Variants in ZNF292 observed in about 807,000 individuals in gnomAD.
ZNF292 encodes 16 zinc-finger domain protein.
In ZNF292, 26 loss-of-function variants were observed where a neutral mutation model predicts 217.9. The observed-to-expected ratio is 0.12, with a 90% confidence interval of 0.09 to 0.17. ZNF292 has a LOEUF of 0.17. ZNF292 is among the 10% of genes least tolerant of loss of function. The pLI is 1.00. For synonymous variants in ZNF292, 1,257 were observed against 1,124.1 expected, an observed-to-expected ratio of 1.12 and a Z score of -2.37; for missense variants, 2,904 against 3,175.2, an observed-to-expected ratio of 0.91 and a Z score of 2.05.
chr6:87,200,161 C>CA (rs1386150249), intron 1 of ZNF292, among the ~76,000 whole-genome samples: 1 of 152,150 alleles, frequency 6.6e-6, no homozygotes, highest in Non-Finnish European at 1.5e-5. Context: ...TTGGACCTCC[C>CA]ACATGATATT....
chr6:87,260,105 A>G lies in ZNF292; in HGVS notation c.6476A>G (p.Glu2159Gly), dbSNP rs1363963847. The change falls in exon 8 of 8, where the codon GAA (glutamate) becomes GGA (glycine). Residue 2159 changes from glutamate to glycine, a missense_variant. Glu to Gly is a moderately conservative substitution (Grantham distance 98). This residue lies in a region of ZNF292 where 261 missense variants were observed against 272.8 expected (regional missense o/e 0.96). Coordinates refer to ENST00000369577, the MANE Select transcript of ZNF292 (RefSeq NM_015021.3). ...GAAGAGGAAAGTGAAGCTGGTAAAG[A>G]AAGTGAAGAAACTGAAACTAAACAA... Reference protein sequence around the residue: ...EVEEESEAGKESEETETKQTL... With the variant: ...EVEEESEAGKGSEETETKQTL... 6.2e-7 allele frequency: 1 copy of G among 1,613,434 alleles called. No homozygotes were observed. The highest frequency in any genetic ancestry group is 8.5e-7 in the Non-Finnish European group (1 of 1,179,642).
intron 1 of ZNF292, among the ~76,000 whole-genome samples, chr6:87,202,619 T>C (rs1469421297): frequency 1.3e-5 from 2 of 152,206 alleles, no homozygotes; most frequent in Admixed American, 1.3e-4. Flanking sequence ...AGAATGTAGT[T>C]TGCTATGGGT....
chr6:87,195,711 C>G (rs996836621), intron 1 of ZNF292, among the ~76,000 whole-genome samples: 2 of 152,002 alleles, frequency 1.3e-5, no homozygotes, highest in Non-Finnish European at 2.9e-5. Flanking sequence ...TTAAAATTAT[C>G]TAAAAATTTG....
At chr6:87,236,491 G>A (rs915119053) in intron 5 of ZNF292, among the ~76,000 whole-genome samples, 1 of 152,022 alleles carries the variant, frequency 6.6e-6, no homozygotes, top group African/African-American at 2.4e-5. Context: ...GGCCTTTCTG[G>A]AAGGAATGAA....
Position 87,261,099 on chromosome 6 carries a change from A to G in ZNF292, c.7470A>G (p.Thr2490=), listed in dbSNP as rs781286322. 1 of 1,611,002 alleles carries G rather than the reference A, an allele frequency of 6.2e-7. No individual in the cohort carries two copies. Among genetic ancestry groups the G allele is most frequent in the East Asian group, 2.2e-5 (1 of 44,826 alleles). ...ATGAACTAACAGAATTGTTTATTACAAAATTAATAAATGAAGATAGCACAA... is the reference window on the plus strand; with the variant it reads ...ATGAACTAACAGAATTGTTTATTACGAAATTAATAAATGAAGATAGCACAA... ...EMDELTELFI[T]KLINEDSTSV... is the part of the protein sequence containing the mutation. Residue 2490 remains threonine (T), a synonymous_variant, in exon 8 of 8, where the codon ACA becomes ACG. Transcript: ENST00000369577.
chr6:87,262,557 A>C lies in ZNF292; in HGVS notation c.*756A>C, dbSNP rs1173972823. Reference sequence around the variant, plus strand: ...AATTGGATATAGTTACTATGAGTCCATGAAATACAATGGAAATGTGAATAA... The same window carrying C: ...AATTGGATATAGTTACTATGAGTCCCTGAAATACAATGGAAATGTGAATAA... On this transcript the variant is annotated 3_prime_UTR_variant, in exon 8 of 8. Coordinates refer to ENST00000369577, the MANE Select transcript of ZNF292 (RefSeq NM_015021.3). The C allele has an allele frequency of 1.3e-5, 2 of 151,696 alleles. No individual in the cohort carries two copies. The highest frequency in any genetic ancestry group is 2.4e-5 in the African/African-American group (1 of 41,350). The allele number at this position is 151,696 out of a possible 1,614,324, so 9.4% of individuals were successfully genotyped here.
rs764198497 is a variant in ZNF292, at chr6:87,259,640, A to T, written c.6011A>T (p.Gln2004Leu). Residue 2004 changes from glutamine (Q) to leucine (L), a missense_variant, in exon 8 of 8, where the codon CAA (glutamine) becomes CTA (leucine). Transcript: ENST00000369577. ...SENVPASRST[Q>L]VKKQLAMTEE... ...AATGTGCCGGCCTCACGAAGTACACAAGTGAAAAAACAGCTAGCTATGACA... is the reference window on the plus strand; with the variant it reads ...AATGTGCCGGCCTCACGAAGTACACTAGTGAAAAAACAGCTAGCTATGACA... 3.8e-6 allele frequency: 6 copies of T among 1,586,096 alleles called. No homozygotes were observed. In the Middle Eastern group the frequency reaches 8.3e-4, roughly 220 times the overall value.
At chr6:87,156,025 G>A (rs1770519918) in intron 1 of ZNF292, among the ~76,000 whole-genome samples, 1 of 152,252 alleles carries the variant, frequency 6.6e-6, no homozygotes, top group African/African-American at 2.4e-5. Flanking sequence ...TCGGGACTGC[G>A]CGGTCCCCGC....
Position 87,260,923 on chromosome 6 carries a change from A to T in ZNF292, c.7294A>T (p.Asn2432Tyr). The T allele has an allele frequency of 6.2e-7, 1 of 1,611,186 alleles. No individual in the cohort carries two copies. The highest frequency in any genetic ancestry group is 8.5e-7 in the Non-Finnish European group (1 of 1,178,490). The change falls in exon 8 of 8, where the codon AAC becomes TAC. Residue 2432 changes from asparagine (N) to tyrosine (Y), a missense_variant. Transcript: ENST00000369577. ...TCTTATTGTATTCAAACGGTGTTGC[A>T]ACTCACAAGTAAAGGAAACGTCTGA... is the stretch of plus-strand genomic sequence containing the variant. ...NLLIVFKRCC[N>Y]SQVKETSEQE...
chr6:87,203,402 C>T (rs186449663), intron 1 of ZNF292, among the ~76,000 whole-genome samples: 13 of 152,102 alleles, frequency 8.5e-5, no homozygotes, highest in Non-Finnish European at 1.9e-4. Context: ...CTCAGCCTAC[C>T]AAAGTGCTGG....
intron 7 of ZNF292, chr6:87,249,346 C>G (rs1307691649): frequency 2.3e-6 from 1 of 430,280 alleles, no homozygotes; most frequent in African/African-American, 2.0e-5. Flanking sequence ...AGATTTATCT[C>G]CAACTCCTGG....
At chr6:87,178,842 T>C (rs1243409486) in intron 1 of ZNF292, among the ~76,000 whole-genome samples, 1 of 152,200 alleles carries the variant, frequency 6.6e-6, no homozygotes, top group Non-Finnish European at 1.5e-5. Flanking sequence ...TAAAGGAATT[T>C]GTGAAAGAAA....
intron 5 of ZNF292, among the ~76,000 whole-genome samples, chr6:87,234,649 G>T (rs988001565): frequency 2.0e-5 from 3 of 152,054 alleles, no homozygotes; most frequent in African/African-American, 7.2e-5. Context: ...TCTTATATCT[G>T]TAATAACATA....
At chr6:87,160,090 T>C (rs1562115918) in intron 1 of ZNF292, among the ~76,000 whole-genome samples, 1 of 152,206 alleles carries the variant, frequency 6.6e-6, no homozygotes. Context: ...GTATACAGGC[T>C]AGGCAAGGAT....
chr6:87,156,189 G>T (rs1770531354), intron 1 of ZNF292, among the ~76,000 whole-genome samples: 1 of 152,214 alleles, frequency 6.6e-6, no homozygotes, highest in African/African-American at 2.4e-5. Flanking sequence ...GCCCCCACTG[G>T]TTTGATTCCT....
intron 1 of ZNF292, 128 bp downstream of exon 1, chr6:87,155,887 C>G (rs936223586): frequency 8.1e-7 from 1 of 1,233,496 alleles, no homozygotes; most frequent in Non-Finnish European, 1.1e-6. Flanking sequence ...TGGGTGGGAG[C>G]GGGAGTAGAA....
intron 7 of ZNF292, among the ~76,000 whole-genome samples, chr6:87,253,332 G>C (rs1047632335): frequency 6.7e-6 from 1 of 149,100 alleles, no homozygotes; most frequent in Non-Finnish European, 1.5e-5. Flanking sequence ...AGGTTCAAGC[G>C]ATCCTCCTTC....
intron 1 of ZNF292, chr6:87,213,746 G>A (rs1289019625): frequency 6.6e-6 from 1 of 152,326 alleles, no homozygotes; most frequent in East Asian, 1.9e-4. Flanking sequence ...GCAAGGGGGT[G>A]AAGAGAACCA....
chr6:87,155,644 G>A lies in ZNF292; in HGVS notation c.53G>A (p.Cys18Tyr), dbSNP rs1184680681. ...QERLSCGEGGCVAELQRLGER... is the reference protein window; with the variant it reads ...QERLSCGEGGYVAELQRLGER... ...AGGTTGAGTTGCGGCGAAGGCGGCT[G>A]CGTCGCGGAGCTGCAGCGCCTGGGC... Residue 18 changes from cysteine (C) to tyrosine (Y), a missense_variant, in exon 1 of 8, where the codon TGC (cysteine) becomes TAC (tyrosine). Physicochemically the swap from Cys to Tyr is radical, Grantham distance 194. This residue lies in a region of ZNF292 where 66 missense variants were observed against 44.1 expected (regional missense o/e 1.50). Coordinates refer to ENST00000369577, the MANE Select transcript of ZNF292 (RefSeq NM_015021.3). 1 of 1,581,926 alleles carries A rather than the reference G, an allele frequency of 6.3e-7. No individual in the cohort carries two copies. Among genetic ancestry groups the A allele is most frequent in the Non-Finnish European group, 8.6e-7 (1 of 1,165,776 alleles).
Sources: gnomAD v4.1 joint callset for allele counts (sites outside exome capture counted in the v4.1 genomes callset) on GRCh38, gnomAD v4.1.1 for gene constraint, gnomAD v4.1.1 regional missense constraint, MANE v1.5 for transcripts, NCBI Gene and HGNC (gene_info 2026-07-23, HGNC 2026-07-21) for gene names.